The following SMC6 variants were observed in gnomAD, a reference collection of about 807,000 sequenced individuals.
SMC6 encodes the protein structural maintenance of chromosomes 6.
SMC6 carries 79 observed loss-of-function variants against 142.2 expected under a neutral mutation model. That is an observed-to-expected ratio of 0.56 (90% CI 0.46 to 0.67). SMC6 has a LOEUF of 0.67. SMC6 is among the 30% of genes least tolerant of loss of function. The pLI is 0.00. For missense variants in SMC6, 1,072 were observed against 1,284.0 expected, an observed-to-expected ratio of 0.83 and a Z score of 2.52; for synonymous variants, 411 against 412.4, an observed-to-expected ratio of 1.00 and a Z score of 0.04.
At chr2:17,713,409 T>G in intron 16 of SMC6, 1 of 463,242 alleles carries the variant, frequency 2.2e-6, no homozygotes, top group Non-Finnish European at 4.5e-6. Context: ...ACTGGCATTA[T>G]GACACATACA....
At chr2:17,679,944 T>C (rs1667166880) in intron 24 of SMC6, 4 of 152,200 alleles carry the variant, frequency 2.6e-5, no homozygotes, top group Admixed American at 2.0e-4. Flanking sequence ...TTCCTTCCTA[T>C]TTCCCTCCCT....
chr2:17,719,828 C>A (rs916157494), intron 11 of SMC6, among the ~76,000 whole-genome samples: 3 of 152,036 alleles, frequency 2.0e-5, no homozygotes, highest in African/African-American at 7.2e-5. Flanking sequence ...TCATATATTA[C>A]CTCTGATGAA....
chr2:17,680,000 T>C (rs1667169844), intron 24 of SMC6: 2 of 152,186 alleles, frequency 1.3e-5, no homozygotes, highest in South Asian at 2.1e-4. Context: ...TAGCCTGAGT[T>C]TCCTTCTGCT....
At chr2:17,684,394 G>A (rs1004921152) in intron 23 of SMC6, among the ~76,000 whole-genome samples, 5 of 152,202 alleles carry the variant, frequency 3.3e-5, no homozygotes, top group African/African-American at 4.8e-5. Context: ...AACAAAAAAC[G>A]CGCTGGCACA....
At chr2:17,731,614 G>GTA (rs1459655001) in intron 6 of SMC6, 127 bp downstream of exon 6, 98 of 767,498 alleles carry the variant, frequency 1.3e-4, no homozygotes, top group South Asian at 4.3e-4. Context: ...GTGTGTGTGT[G>GTA]TATATATATA....
At chr2:17,694,180 C>T (rs1667882153) in intron 23 of SMC6, among the ~76,000 whole-genome samples, 1 of 151,834 alleles carries the variant, frequency 6.6e-6, no homozygotes, top group Admixed American at 6.6e-5. Flanking sequence ...GAATGAGGCA[C>T]CAGAGGCTGC....
intron 21 of SMC6, among the ~76,000 whole-genome samples, chr2:17,698,239 A>T (rs559688575): frequency 2.0e-4 from 30 of 152,142 alleles, no homozygotes; most frequent in Admixed American, 2.0e-3. Context: ...ATACATGAAA[A>T]ATCATTGAAT....
Position 17,664,394 on chromosome 2 carries a change from T to C in SMC6, c.*1105A>G, listed in dbSNP as rs918739405. On this transcript the variant is annotated 3_prime_UTR_variant, in exon 28 of 28. Coordinates refer to ENST00000448223, the MANE Select transcript of SMC6 (RefSeq NM_001142286.2). Reference sequence around the variant, plus strand: ...GTTTTCCTCAATAACTAGAGAACAGTCCCTGCTCTTAATATACTGCCCTTT... The same window carrying C: ...GTTTTCCTCAATAACTAGAGAACAGCCCCTGCTCTTAATATACTGCCCTTT... The C allele has an allele frequency of 6.6e-6, 1 of 152,178 alleles. No homozygotes were observed. Among genetic ancestry groups the C allele is most frequent in the African/African-American group, 2.4e-5 (1 of 41,438 alleles). 9.4% of individuals were successfully genotyped at this position (152,178 alleles called of 1,614,324 possible).
At chr2:17,718,645 G>A (rs1357405985) in intron 11 of SMC6, among the ~76,000 whole-genome samples, 4 of 152,190 alleles carry the variant, frequency 2.6e-5, no homozygotes, top group African/African-American at 4.8e-5. Flanking sequence ...AGTATTTTGA[G>A]CTGAGATTTT....
chr2:17,674,812 T>C (rs977197270), intron 25 of SMC6, among the ~76,000 whole-genome samples: 1 of 152,146 alleles, frequency 6.6e-6, no homozygotes, highest in African/African-American at 2.4e-5. Context: ...AAGTCTATTT[T>C]GTTATTATTA....
intron 5 of SMC6, among the ~76,000 whole-genome samples, chr2:17,734,684 C>G (rs1289915223): frequency 6.6e-6 from 1 of 152,118 alleles, no homozygotes; most frequent in Non-Finnish European, 1.5e-5. Flanking sequence ...ATCTTTAGTA[C>G]AGTGAGAACT....
At chr2:17,733,484 T>C (rs965877408) in intron 5 of SMC6, among the ~76,000 whole-genome samples, 6 of 152,236 alleles carry the variant, frequency 3.9e-5, no homozygotes, top group African/African-American at 1.4e-4. Flanking sequence ...TTGTATAGCT[T>C]TGATAAATGC....
chr2:17,747,346 G>A (rs549308531), intron 2 of SMC6, among the ~76,000 whole-genome samples: 2 of 152,268 alleles, frequency 1.3e-5, no homozygotes, highest in South Asian at 4.1e-4. Flanking sequence ...ATAGCTCCAA[G>A]TTCCAGATCT....
chr2:17,749,671 G>C (rs1433568509), intron 2 of SMC6, among the ~76,000 whole-genome samples: 1 of 152,004 alleles, frequency 6.6e-6, no homozygotes, highest in African/African-American at 2.4e-5. Flanking sequence ...CTGGGTGACA[G>C]AGCGATACTC....
At position 17,741,660 on chromosome 2, in the gene SMC6, G is replaced by A; in HGVS notation, c.190C>T (p.Pro64Ser). 1 of 1,611,988 alleles carries A rather than the reference G, an allele frequency of 6.2e-7. No homozygotes were observed. The highest frequency in any genetic ancestry group is 1.1e-5 in the South Asian group (1 of 90,430). The change falls in exon 4 of 28, where the codon CCT (proline) becomes TCT (serine). Residue 64 changes from proline (P) to serine (S), a missense_variant. Physicochemically the swap from Pro to Ser is moderately conservative, Grantham distance 74. Coordinates refer to ENST00000448223, the MANE Select transcript of SMC6 (RefSeq NM_001142286.2). Reference sequence around the variant, plus strand: ...TTGACATTAGAACCAAACTTAAAAGGTCCAAGCATTGAATGACACATGAAG... The same window carrying A: ...TTGACATTAGAACCAAACTTAAAAGATCCAAGCATTGAATGACACATGAAG... ...KNFMCHSMLG[P>S]FKFGSNVNFV...
chr2:17,741,776 AT>A, intron 3 of SMC6, 47 bp from the exon 4 acceptor site: 1 of 1,246,968 alleles, frequency 8.0e-7, no homozygotes, highest in Non-Finnish European at 1.1e-6. Flanking sequence ...TAATTCACTC[AT>A]TATAACCATT....
At position 17,731,616 on chromosome 2, in the gene SMC6, A is replaced by G. The variant is rs189735123; in HGVS notation, c.481+125T>C. ...TATGCACGTGTGTGTGTGTGTGTGT[A>G]TATATATATGCACACAACCAATCAT... On this transcript the variant is annotated intron_variant, in intron 6 of 27. Coordinates refer to ENST00000448223, the MANE Select transcript of SMC6 (RefSeq NM_001142286.2). 6,149 of 761,138 alleles carry G rather than the reference A, an allele frequency of 8.1e-3. 26 individuals carry two copies. Among genetic ancestry groups the G allele is most frequent in the Non-Finnish European group, 9.1e-3 (4,392 of 481,392 alleles). 47.1% of individuals were successfully genotyped at this position (761,138 alleles called of 1,614,324 possible). A position where few individuals can be genotyped will look rare whatever the true frequency, so the allele number is the denominator to read the frequency against.
Position 17,691,233 on chromosome 2 carries a change from TACACACACACACAC to T in SMC6, c.2678+3905_2678+3918del, listed in dbSNP as rs138226968. ...ATGAATGAAGAGAGAAAAATGTGTATACACACACACACACACACACACACACACCAGAATACTAT... is the reference window on the plus strand; with the variant it reads ...ATGAATGAAGAGAGAAAAATGTGTATACACACACACACACCAGAATACTAT... On this transcript the variant is annotated intron_variant, in intron 23 of 27. Coordinates refer to ENST00000448223, the MANE Select transcript of SMC6 (RefSeq NM_001142286.2). Among the ~76,000 whole-genome samples, 3 of 123,164 alleles carry T rather than the reference TACACACACACACAC, an allele frequency of 2.4e-5. No individual in the cohort carries two copies. The East Asian group carries it at 7.7e-4, about 32-fold the overall frequency. The allele number at this position is 123,164 out of a possible 152,430, so 80.8% of individuals were successfully genotyped here.
chr2:17,719,775 C>A (rs570003345), intron 11 of SMC6, among the ~76,000 whole-genome samples: 183 of 152,128 alleles, frequency 1.2e-3, no homozygotes, highest in Non-Finnish European at 2.2e-3. Context: ...GAAACTTAGC[C>A]CAGAAATCGC....
Sources: gnomAD v4.1 joint callset for allele counts (sites outside exome capture counted in the v4.1 genomes callset) on GRCh38, gnomAD v4.1.1 for gene constraint, MANE v1.5 for transcripts, NCBI Gene and HGNC (gene_info 2026-07-23, HGNC 2026-07-21) for gene names.